ENG: variants seen among roughly 807,000 people sequenced by gnomAD.
ENG encodes the protein CD105 antigen.
A neutral mutation model predicts 71.0 loss-of-function variants in ENG; 17 were observed. The ratio of observed to expected loss-of-function variants is 0.24; its 90% CI spans 0.16 to 0.36. The LOEUF (loss-of-function observed/expected upper bound fraction) is 0.36. Ranked by LOEUF, ENG falls within the 10% of genes least tolerant of loss-of-function variation. ENG has a pLI of 1.00. For missense variants in ENG, 749 were observed against 868.3 expected, an observed-to-expected ratio of 0.86 and a Z score of 1.73; for synonymous variants, 360 against 366.9, an observed-to-expected ratio of 0.98 and a Z score of 0.21.
chr9:127,852,022 AATT>A (rs1831296718), intron 1 of ENG, among the ~76,000 whole-genome samples: 1 of 152,118 alleles, frequency 6.6e-6, no homozygotes, highest in African/African-American at 2.4e-5. Context: ...GCCAAAATGG[AATT>A]ATTGTTGTTT....
At chr9:127,850,174 G>A (rs1255543164) in intron 1 of ENG, among the ~76,000 whole-genome samples, 10 of 152,194 alleles carry the variant, frequency 6.6e-5, no homozygotes, top group African/African-American at 2.4e-4. Flanking sequence ...CAGCATTCAG[G>A]TCACAAAAGT....
At chr9:127,823,673 CTTTTTTTTTTTTT>C (rs1017053002) in intron 8 of ENG, among the ~76,000 whole-genome samples, 30 of 99,036 alleles carry the variant, frequency 3.0e-4, no homozygotes, top group Admixed American at 1.1e-3. Context: ...CAGGCACCGG[CTTTTTTTTTTTTT>C]TTTTTTTTTT....
chr9:127,816,086 T>TCTGCCC (rs772588778), intron 13 of ENG, 33 bp from the exon 14 acceptor site: 11 of 1,599,140 alleles, frequency 6.9e-6, no homozygotes, highest in South Asian at 3.4e-5. Context: ...GCACTGCCAC[T>TCTGCCC]CTGCCCCTGC....
intron 4 of ENG, 68 bp from the exon 5 acceptor site, chr9:127,825,928 C>A: frequency 1.3e-6 from 2 of 1,542,024 alleles, no homozygotes; most frequent in Non-Finnish European, 8.8e-7. Flanking sequence ...CCCGCCCTCA[C>A]CCACAGCCAA....
rs777326589 is a variant in ENG, at chr9:127,826,491, G to T, written c.523+19C>A. ...CTGAGCAGTATCATGAGCCCAGAGA[G>T]GTTGCTGGGGAAACTGACCTTGGCC... On this transcript the variant is annotated intron_variant, in intron 4 of 14. Coordinates refer to ENST00000373203, the MANE Select transcript of ENG (RefSeq NM_001114753.3). 2.5e-6 allele frequency: 4 copies of T among 1,613,954 alleles called. No homozygotes were observed. Among genetic ancestry groups the T allele is most frequent in the South Asian group, 2.2e-5 (2 of 91,068 alleles).
chr9:127,834,420 C>CT (rs577870673), intron 2 of ENG, among the ~76,000 whole-genome samples: 159 of 146,920 alleles, frequency 1.1e-3, no homozygotes, highest in African/African-American at 3.9e-3. Context: ...GTAATTTTTT[C>CT]TTTTTTTGAG....
chr9:127,826,715 G>C, intron 3 of ENG, 43 bp from the exon 4 acceptor site: 1 of 1,610,156 alleles, frequency 6.2e-7, no homozygotes, highest in Non-Finnish European at 8.5e-7. Context: ...TCCTGGCCCT[G>C]TGCCCTCTCT....
chr9:127,819,427 C>T (rs371490077), intron 10 of ENG, 195 bp downstream of exon 10: 6 of 699,840 alleles, frequency 8.6e-6, no homozygotes, highest in African/African-American at 5.3e-5. Flanking sequence ...GTGCTAAGCC[C>T]TCTGACTTGA....
At chr9:127,840,336 C>G (rs1484501233) in intron 2 of ENG, among the ~76,000 whole-genome samples, 1 of 152,228 alleles carries the variant, frequency 6.6e-6, no homozygotes, top group Non-Finnish European at 1.5e-5. Context: ...TGGCTCATGC[C>G]TGTAATCCCA....
intron 12 of ENG, 119 bp downstream of exon 12, chr9:127,818,001 T>G: frequency 1.3e-6 from 2 of 1,534,636 alleles, no homozygotes; most frequent in East Asian, 2.3e-5. Flanking sequence ...ACATGCCTGA[T>G]TAAGGCTCCG....
At chr9:127,853,975 T>C (rs934297898) in intron 1 of ENG, among the ~76,000 whole-genome samples, 1 of 152,048 alleles carries the variant, frequency 6.6e-6, no homozygotes, top group Non-Finnish European at 1.5e-5. Context: ...GCCAGGAAAC[T>C]CTCCCGTCGC....
Position 127,824,846 on chromosome 9 carries a change from C to A in ENG, c.945G>T (p.Val315=). 6.2e-7 allele frequency: 1 copy of A among 1,603,152 alleles called. No homozygotes were observed. Among genetic ancestry groups the A allele is most frequent in the Non-Finnish European group, 8.5e-7 (1 of 1,174,732 alleles). The change falls in exon 7 of 15, where the codon GTG becomes GTT. Residue 315 remains valine (V), a synonymous_variant. Transcript: ENST00000373203. ...AGACAATGCTGGCCAGCGGTAGCTC[C>A]ACGAAGGATGCCACAATGCTGGCAT... is the stretch of plus-strand genomic sequence containing the variant. ...MLNASIVASF[V]ELPLASIVSL...
rs147428654 is a variant in ENG at position 127,818,249 on chromosome 9, C to T, written c.1557G>A (p.Leu519=). 5.0e-6 allele frequency: 8 copies of T among 1,614,192 alleles called. No individual in the cohort carries two copies. Among genetic ancestry groups the T allele is most frequent in the African/African-American group, 1.3e-5 (1 of 75,054 alleles). The change falls in exon 12 of 15, where the codon CTG becomes CTA. Residue 519 remains leucine, a synonymous_variant. Transcript: ENST00000373203. ...GGTCACCCTCGGGGCTTGGGGACAG[C>T]AGGCTCACACAGTTGCCCTTGGCCG... ...GRAAKGNCVS[L]LSPSPEGDPR... is the part of the protein sequence containing the mutation.
Position 127,836,078 on chromosome 9 carries a change from A to G in ENG, c.220-6251T>C, listed in dbSNP as rs372604026. ...AAAACCCAGTCAGGGTTTCTACAGCAAACATTTCCCTCCCCACGGCCCTGA... is the reference window on the plus strand; with the variant it reads ...AAAACCCAGTCAGGGTTTCTACAGCGAACATTTCCCTCCCCACGGCCCTGA... On this transcript the variant is annotated intron_variant, in intron 2 of 14. Coordinates refer to ENST00000373203, the MANE Select transcript of ENG (RefSeq NM_001114753.3). This position sits in a 1 kb window ranked among gnomAD's most constrained non-coding sequence, Gnocchi z 4.0. 2.6e-5 allele frequency among the ~76,000 whole-genome samples: 4 copies of G among 152,318 alleles called. No homozygotes were observed. The highest frequency in any genetic ancestry group is 9.6e-5 in the African/African-American group (4 of 41,576).
At chr9:127,843,006 A>T in intron 2 of ENG, 88 bp downstream of exon 2, 1 of 1,599,524 alleles carries the variant, frequency 6.3e-7, no homozygotes, top group East Asian at 2.2e-5. Context: ...CCACTGCCCC[A>T]GGGACAGCCA....
rs376919650 is a variant in ENG at position 127,825,697 on chromosome 9, G to T, written c.687C>A (p.Ala229=). 3 of 1,580,184 alleles carry T rather than the reference G, an allele frequency of 1.9e-6. No homozygotes were observed. The highest frequency in any genetic ancestry group is 2.6e-6 in the Non-Finnish European group (3 of 1,167,112). The change falls in exon 5 of 15, where the codon GCC becomes GCA. Residue 229 remains alanine, a splice_region_variant and synonymous_variant. Transcript: ENST00000373203. ...CAGGGGCGGGGCGAGAGCCATACCC[G>T]GCCGAGTGGCCCGGCAGGACCCTCA... is the stretch of plus-strand genomic sequence containing the variant. ...HILRVLPGHS[A]GPRTVTVKVE...
In ENG at chr9:127,815,449, A is replaced by G; in HGVS notation, c.*233T>C. On this transcript the variant is annotated 3_prime_UTR_variant, in exon 15 of 15. Coordinates refer to ENST00000373203, the MANE Select transcript of ENG (RefSeq NM_001114753.3). The stretch of plus-strand genomic sequence containing the variant: ...CAAGTGGTCTGTCTCCTGGGCAGCC[A>G]TATCCCAGACCCACTGGGTTGAAGG... 1 of 763,462 alleles carries G rather than the reference A, an allele frequency of 1.3e-6. No individual in the cohort carries two copies. Among genetic ancestry groups the G allele is most frequent in the Non-Finnish European group, 2.0e-6 (1 of 497,788 alleles). The allele number at this position is 763,462 out of a possible 1,614,324, so 47.3% of individuals were successfully genotyped here. A position where few individuals can be genotyped will look rare whatever the true frequency, so the allele number is the denominator to read the frequency against.
At chr9:127,825,449 AC>A in intron 5 of ENG, 92 bp from the exon 6 acceptor site, 2 of 1,576,532 alleles carry the variant, frequency 1.3e-6, no homozygotes, top group Non-Finnish European at 1.7e-6. Context: ...CTGCACTCTT[AC>A]CTGGCCAGGT....
chr9:127,819,783 T>G, intron 9 of ENG, 117 bp downstream of exon 9: 1 of 1,605,714 alleles, frequency 6.2e-7, no homozygotes, highest in Non-Finnish European at 8.5e-7. Flanking sequence ...TTGTCTTGTG[T>G]TCTGAGCCCC....
Sources: allele counts gnomAD v4.1 joint callset (sites outside exome capture counted in the v4.1 genomes callset), GRCh38; gene constraint gnomAD v4.1.1; non-coding constraint Gnocchi (gnomAD v3.1); transcripts MANE v1.5; gene names NCBI Gene and HGNC (gene_info 2026-07-23, HGNC 2026-07-21).